Variants in BAIAP3 observed in about 807,000 individuals in gnomAD.
BAIAP3 encodes the protein BAI1 associated protein 3.
BAIAP3 carries 180 observed loss-of-function variants against 149.7 expected under a neutral mutation model. The observed-to-expected ratio is 1.20, with a 90% CI of 1.07 to 1.36. The LOEUF is 1.36. Among genes scored for constraint, BAIAP3 ranks in the 40% most tolerant of loss-of-function variants. The pLI is 0.00. For missense variants in BAIAP3, 1,767 were observed against 1,563.4 expected (o/e 1.13, Z -2.20); for synonymous variants, 845 against 670.7 (o/e 1.26, Z -4.02).
chr16:1,347,041 G>A (rs942444134), intron 28 of BAIAP3, 86 bp downstream of exon 28: 2 of 1,291,832 alleles, frequency 1.5e-6, no homozygotes, highest in Admixed American at 2.0e-5. Flanking sequence ...GGCCTGCCTG[G>A]TCTCCTGTGG....
At position 1,346,063 on chromosome 16, in the gene BAIAP3, A is replaced by G. The variant is rs756572862; in HGVS notation, c.2286A>G (p.Glu762=). The change falls in exon 24 of 34, where the codon GAA becomes GAG. Residue 762 remains glutamate (E), a synonymous_variant. Coordinates refer to ENST00000426824, the MANE Select transcript of BAIAP3 (RefSeq NM_001199097.2). ...ACACTCAGCCAGGGGCGGCCGGTGA[A>G]GCAGTGAGCGAGGCGGTGAGTGACC... is the stretch of plus-strand genomic sequence containing the variant. ...KVDTQPGAAG[E]AVSEALCVVL... 11 of 1,611,254 alleles carry G rather than the reference A, an allele frequency of 6.8e-6. No individual in the cohort carries two copies. In the Admixed American group the frequency reaches 1.0e-4, roughly 15 times the overall value.
In BAIAP3 at chr16:1,341,970, C is replaced by T. The variant is rs941289004; in HGVS notation, c.777-16C>T. The T allele has an allele frequency of 6.3e-7, 1 of 1,588,018 alleles. No individual in the cohort carries two copies. The highest frequency in any genetic ancestry group is 8.6e-7 in the Non-Finnish European group (1 of 1,167,450). ...GCGGGCTCCAGACAAGCCAGGTCCT[C>T]CCCTGTCCCCACCAGGGATCATGAC... is the stretch of plus-strand genomic sequence containing the variant. On this transcript the variant is annotated splice_polypyrimidine_tract_variant and intron_variant, in intron 9 of 33. Coordinates refer to ENST00000426824, the MANE Select transcript of BAIAP3 (RefSeq NM_001199097.2).
Position 1,342,956 on chromosome 16 carries a change from C to A in BAIAP3, c.1205C>A (p.Ala402Asp), listed in dbSNP as rs368103567. ...SWRGELSTPA[A>D]TILCLHGAQS... ...CGAGGAGAGCTCAGCACACCAGCCGCCACCATCCTCTGCCTGCACGGAGCC... is the reference window on the plus strand; with the variant it reads ...CGAGGAGAGCTCAGCACACCAGCCGACACCATCCTCTGCCTGCACGGAGCC... Residue 402 changes from alanine (A) to aspartate (D), a missense_variant, in exon 14 of 34, where the codon GCC becomes GAC. Ala to Asp is a moderately radical substitution (Grantham distance 126, BLOSUM62 -2). Coordinates refer to ENST00000426824, the MANE Select transcript of BAIAP3 (RefSeq NM_001199097.2). 6.5e-5 allele frequency: 105 copies of A among 1,612,010 alleles called. No individual in the cohort carries two copies. Among genetic ancestry groups the A allele is most frequent in the African/African-American group, 8.0e-5 (6 of 74,944 alleles).
At position 1,346,083 on chromosome 16, in the gene BAIAP3, G is replaced by A. The variant is rs991975188; in HGVS notation, c.2301+5G>A. ...GGTGAAGCAGTGAGCGAGGCGGTGA[G>A]TGACCAGCTGGGGAGGGGAGCCGGC... On this transcript the variant is annotated splice_donor_5th_base_variant and intron_variant, in intron 24 of 33. Coordinates refer to ENST00000426824, the MANE Select transcript of BAIAP3 (RefSeq NM_001199097.2). 1 of 1,609,550 alleles carries A rather than the reference G, an allele frequency of 6.2e-7. No homozygotes were observed. Among genetic ancestry groups the A allele is most frequent in the African/African-American group, 1.3e-5 (1 of 74,942 alleles).
At position 1,341,207 on chromosome 16, in the gene BAIAP3, C is replaced by A. The variant is rs748876413; in HGVS notation, c.535+12C>A. 59 of 1,611,114 alleles carry A rather than the reference C, an allele frequency of 3.7e-5. No homozygotes were observed. The highest frequency in any genetic ancestry group is 3.1e-5 in the Non-Finnish European group (36 of 1,179,234). On this transcript the variant is annotated intron_variant, in intron 7 of 33. Transcript: ENST00000426824. Reference sequence around the variant, plus strand: ...CAAGGACCCCAACGGTGAGTGGGGACCCAGCAGACCTCGGCTGCGCCGAGG... The same window carrying A: ...CAAGGACCCCAACGGTGAGTGGGGAACCAGCAGACCTCGGCTGCGCCGAGG...
At chr16:1,339,433 A>G (rs974493458) in intron 4 of BAIAP3, 63 bp from the exon 5 acceptor site, 1 of 1,525,924 alleles carries the variant, frequency 6.6e-7, no homozygotes, top group Non-Finnish European at 9.0e-7. Flanking sequence ...GGCAGACAGG[A>G]GGTGCTGCTG....
rs753914134 is a variant in BAIAP3 at position 1,346,931 on chromosome 16, C to T, written c.2727C>T (p.Tyr909=). ...ACCGTGACGTCTCTGCTGATTTCTA[C>T]AGCCGCTTCCATTTCACGCTGGAGG... ...GANRDVSADF[Y]SRFHFTLEAL... The change falls in exon 28 of 34, where the codon TAC becomes TAT. Residue 909 remains tyrosine (Y), a synonymous_variant. Coordinates refer to ENST00000426824, the MANE Select transcript of BAIAP3 (RefSeq NM_001199097.2). 3.1e-6 allele frequency: 5 copies of T among 1,611,376 alleles called. No individual in the cohort carries two copies. The highest frequency in any genetic ancestry group is 3.4e-6 in the Non-Finnish European group (4 of 1,179,692).
chr16:1,345,199 G>A lies in BAIAP3; in HGVS notation c.1941-50G>A, dbSNP rs778126502. On this transcript the variant is annotated intron_variant, in intron 21 of 33. Coordinates refer to ENST00000426824, the MANE Select transcript of BAIAP3 (RefSeq NM_001199097.2). The stretch of plus-strand genomic sequence containing the variant: ...TGGAGCTGTGAGCCTGGAACGTGCT[G>A]GTTAAGGTGTCTGAGTCAGGGCCGA... 7.5e-6 allele frequency: 12 copies of A among 1,609,972 alleles called. No individual in the cohort carries two copies. In the Admixed American group the frequency reaches 1.5e-4, roughly 20 times the overall value.
chr16:1,344,317 G>A lies in BAIAP3; in HGVS notation c.1602G>A (p.Lys534=), dbSNP rs1420920384. ...ACATGGACATTGCTGCGGCCCTGAA[G>A]GTGTGTTCCAAAGCCCAGTGGAGGC... ...ELNMDIAAAL[K]RGNREWYDRI... Residue 534 remains lysine, a splice_region_variant and synonymous_variant, in exon 17 of 34, where the codon AAG becomes AAA. Coordinates refer to ENST00000426824, the MANE Select transcript of BAIAP3 (RefSeq NM_001199097.2). The A allele has an allele frequency of 1.9e-6, 3 of 1,613,708 alleles. No individual in the cohort carries two copies. The highest frequency in any genetic ancestry group is 2.5e-6 in the Non-Finnish European group (3 of 1,179,994).
intron 1 of BAIAP3, chr16:1,334,632 TAG>T: frequency 6.5e-7 from 1 of 1,540,936 alleles, no homozygotes; most frequent in South Asian, 1.2e-5. Context: ...CAGCGCTTGT[TAG>T]AATGCAGATT....
Position 1,347,343 on chromosome 16 carries a change from G to C in BAIAP3, c.2797G>C (p.Glu933Gln), listed in dbSNP as rs1258271658. The change falls in exon 29 of 34, where the codon GAG (glutamate) becomes CAG (glutamine). Residue 933 changes from glutamate (E) to glutamine (Q), a missense_variant. Transcript: ENST00000426824. ...FHAEGQGLPL[E>Q]SLRDGSYKRL... ...CGCAGAGGGTCAGGGTTTGCCCCTGGAGAGCCTGAGGGATGGAAGCTACAA... is the reference window on the plus strand; with the variant it reads ...CGCAGAGGGTCAGGGTTTGCCCCTGCAGAGCCTGAGGGATGGAAGCTACAA... The C allele has an allele frequency of 1.1e-5, 18 of 1,613,432 alleles. No homozygotes were observed. The highest frequency in any genetic ancestry group is 1.4e-5 in the Non-Finnish European group (17 of 1,179,974).
chr16:1,334,720 C>CCGCCAT (rs2033348188), intron 1 of BAIAP3: 1 of 1,555,850 alleles, frequency 6.4e-7, no homozygotes, highest in Non-Finnish European at 8.7e-7. Flanking sequence ...CACCTGGGCA[C>CCGCCAT]CGCCATCGGC....
chr16:1,346,047 CAGGGGCG>C lies in BAIAP3; in HGVS notation c.2271_2277del (p.Gly758ProfsTer5). On this transcript the variant is annotated frameshift_variant, in exon 24 of 34. Transcript: ENST00000426824. LOFTEE classifies it high-confidence loss of function. The stretch of plus-strand genomic sequence containing the variant: ...CTTCGGAAGAAGGTGGACACTCAGC[CAGGGGCG>C]GCCGGTGAAGCAGTGAGCGAGGCGG... 8 of 1,611,678 alleles carry C rather than the reference CAGGGGCG, an allele frequency of 5.0e-6. No homozygotes were observed. The highest frequency in any genetic ancestry group is 6.8e-6 in the Non-Finnish European group (8 of 1,179,564).
intron 11 of BAIAP3, 24 bp downstream of exon 11, chr16:1,342,307 G>C (rs757767907): frequency 6.2e-7 from 1 of 1,605,914 alleles, no homozygotes; most frequent in Non-Finnish European, 8.5e-7. Context: ...GGGTGGGGCT[G>C]GTGACACTTA....
At position 1,345,355 on chromosome 16, in the gene BAIAP3, G is replaced by A. The variant is rs1335677461; in HGVS notation, c.2047G>A (p.Ala683Thr). ...CCAGGCCAAGTGGAGGCTTCAGGGAGCCGTGGACATGGACACGGTGACAGC... is the reference window on the plus strand; with the variant it reads ...CCAGGCCAAGTGGAGGCTTCAGGGAACCGTGGACATGGACACGGTGACAGC... Reference protein sequence around the residue: ...RDQAKWRLQGAVDMDTLEPVD... With the variant: ...RDQAKWRLQGTVDMDTLEPVD... The change falls in exon 22 of 34, where the codon GCC becomes ACC. Residue 683 changes from alanine to threonine, a missense_variant. Ala to Thr is a moderately conservative substitution (Grantham distance 58). Transcript: ENST00000426824. The A allele has an allele frequency of 6.2e-7, 1 of 1,612,508 alleles. No homozygotes were observed. The highest frequency in any genetic ancestry group is 8.5e-7 in the Non-Finnish European group (1 of 1,179,744).
Position 1,342,170 on chromosome 16 carries a change from G to A in BAIAP3, c.855-11G>A, listed in dbSNP as rs771036109. ...GCCATCAGCGTGATGCTCACCACCT[G>A]TGGTGGCCAGGTACTTCAAACAGAT... On this transcript the variant is annotated splice_polypyrimidine_tract_variant and intron_variant, in intron 10 of 33. Transcript: ENST00000426824. 10 of 1,592,818 alleles carry A rather than the reference G, an allele frequency of 6.3e-6. No individual in the cohort carries two copies. The highest frequency in any genetic ancestry group is 1.7e-5 in the Admixed American group (1 of 58,918).
intron 1 of BAIAP3, 87 bp from the exon 2 acceptor site, chr16:1,338,453 G>GGCCCCC: frequency 5.6e-6 from 1 of 177,274 alleles, no homozygotes; most frequent in Non-Finnish European, 1.2e-5. Flanking sequence ...ACCTCTTCCC[G>GGCCCCC]CCCCACCCCC....
In BAIAP3 at chr16:1,342,514, A is replaced by C; in HGVS notation, c.958-13A>C. 6.5e-7 allele frequency: 1 copy of C among 1,550,186 alleles called. No individual in the cohort carries two copies. The highest frequency in any genetic ancestry group is 8.7e-7 in the Non-Finnish European group (1 of 1,146,916). ...GAGGAGTCTGGTGGGCCTGACCCCC[A>C]TGCTACCCCCAGGAGGTGCCTGTGG... is the stretch of plus-strand genomic sequence containing the variant. On this transcript the variant is annotated splice_polypyrimidine_tract_variant and intron_variant, in intron 11 of 33. Transcript: ENST00000426824.
chr16:1,343,883 G>A, intron 15 of BAIAP3, 139 bp from the exon 16 acceptor site: 2 of 1,356,622 alleles, frequency 1.5e-6, no homozygotes, highest in Non-Finnish European at 2.0e-6. Context: ...GGCCGACTGG[G>A]CCTGTGGAGG....
Sources: gnomAD v4.1 joint callset for allele counts on GRCh38, gnomAD v4.1.1 for gene constraint, MANE v1.5 for transcripts, NCBI Gene and HGNC (gene_info 2026-07-23, HGNC 2026-07-21) for gene names.